The following APBB2 variants were observed in gnomAD, a reference collection of about 807,000 sequenced individuals.
The protein encoded by APBB2 is amyloid beta precursor protein binding family B member 2.
Under a neutral mutation model 82.5 loss-of-function variants are expected in APBB2, and 38 were observed. The observed-to-expected ratio is 0.46, with a 90% CI of 0.36 to 0.60. The LOEUF is 0.60. APBB2 is among the 20% of genes least tolerant of loss of function. APBB2 has a pLI of 0.00. For missense variants in APBB2, 772 were observed against 972.3 expected, an observed-to-expected ratio of 0.79 and a Z score of 2.74; for synonymous variants, 341 against 368.2, an observed-to-expected ratio of 0.93 and a Z score of 0.85.
intron 3 of APBB2, among the ~76,000 whole-genome samples, chr4:41,078,894 T>A (rs75647829): frequency 3.3e-5 from 5 of 152,304 alleles, no homozygotes; most frequent in Middle Eastern, 3.4e-3. Context: ...TCTCTCAACA[T>A]AGAAGCAAAA....
intron 12 of APBB2, among the ~76,000 whole-genome samples, chr4:40,834,460 GA>G: frequency 6.6e-6 from 1 of 152,312 alleles, no homozygotes; most frequent in Non-Finnish European, 1.5e-5. Flanking sequence ...GATTTAAGAC[GA>G]AATCCAAGCA....
At chr4:41,210,952 A>T (rs1182600047) in intron 1 of APBB2, among the ~76,000 whole-genome samples, 1 of 152,188 alleles carries the variant, frequency 6.6e-6, no homozygotes, top group Non-Finnish European at 1.5e-5. Context: ...GGATAATAGG[A>T]CACATAAAAA....
chr4:41,035,767 T>C (rs1409650612), intron 4 of APBB2, among the ~76,000 whole-genome samples: 1 of 152,236 alleles, frequency 6.6e-6, no homozygotes, highest in East Asian at 1.9e-4. Flanking sequence ...ACTGAATATG[T>C]ACAGACTTTT....
At chr4:40,990,509 A>T (rs1801720655) in intron 6 of APBB2, among the ~76,000 whole-genome samples, 1 of 152,210 alleles carries the variant, frequency 6.6e-6, no homozygotes, top group Non-Finnish European at 1.5e-5. Context: ...CACACACAAG[A>T]AAGGAGAAAG....
intron 12 of APBB2, among the ~76,000 whole-genome samples, chr4:40,864,504 C>T (rs1281392015): frequency 6.6e-6 from 1 of 152,134 alleles, no homozygotes; most frequent in Non-Finnish European, 1.5e-5. Context: ...AATTCTCCTG[C>T]CCAATGGCCT....
In APBB2 at chr4:40,837,459, C is replaced by T. The variant is rs556131537; in HGVS notation, c.1530-6882G>A. On this transcript the variant is annotated intron_variant, in intron 12 of 17. Coordinates refer to ENST00000508593, the MANE Select transcript of APBB2 (RefSeq NM_004307.2). ...CCACGCAGGGTCCAGGCTTCAGCAT[C>T]TCGTCTGTAAAACCACACAGCTGGC... Among the ~76,000 whole-genome samples, 3 of 152,380 alleles carry T rather than the reference C, an allele frequency of 2.0e-5. No homozygotes were observed. The East Asian group carries it at 5.8e-4, about 29-fold the overall frequency.
At chr4:40,931,269 T>C (rs4861070) in intron 10 of APBB2, among the ~76,000 whole-genome samples, 89,992 of 151,928 alleles carry the variant, frequency 0.59, 26,676 homozygotes, top group Middle Eastern at 0.67. Context: ...CGATAGGGGA[T>C]GGAAGCTCCT....
chr4:40,905,418 T>C (rs1188655246), intron 10 of APBB2, among the ~76,000 whole-genome samples: 1 of 152,210 alleles, frequency 6.6e-6, no homozygotes, highest in Non-Finnish European at 1.5e-5. Context: ...CTCACAATCC[T>C]TCTTCACACA....
rs185391628 is a variant in APBB2, at chr4:41,017,816, G to C, written c.20-3418C>G. The stretch of plus-strand genomic sequence containing the variant: ...AGACTAAGAAGGAACAAAGAAGTTG[G>C]GTCTATGAGGATTTAATTATGAAAA... On this transcript the variant is annotated intron_variant, in intron 5 of 17. Coordinates refer to ENST00000508593, the MANE Select transcript of APBB2 (RefSeq NM_004307.2). 3.0e-3 allele frequency among the ~76,000 whole-genome samples: 463 copies of C among 152,156 alleles called. 2 individuals carry two copies. The highest frequency in any genetic ancestry group is 3.9e-3 in the Non-Finnish European group (266 of 68,016).
rs1214409070 is a variant in APBB2 at position 40,813,895 on chromosome 4, T to C, written c.*2197A>G. 1 of 152,208 alleles carries C rather than the reference T, an allele frequency of 6.6e-6. No homozygotes were observed. Among genetic ancestry groups the C allele is most frequent in the Non-Finnish European group, 1.5e-5 (1 of 68,036 alleles). 9.4% of individuals were successfully genotyped at this position (152,208 alleles called of 1,614,324 possible). On this transcript the variant is annotated 3_prime_UTR_variant, in exon 18 of 18. Transcript: ENST00000508593. Reference sequence around the variant, plus strand: ...AAGGGCACAGCAAGGATTTTCTTAATGCAGTAATTTCTTATGATGGCACTG... The same window carrying C: ...AAGGGCACAGCAAGGATTTTCTTAACGCAGTAATTTCTTATGATGGCACTG...
chr4:40,982,416 A>AGGAAAGGAAAGGAAAG (rs58738178), intron 6 of APBB2, among the ~76,000 whole-genome samples: 2 of 110,400 alleles, frequency 1.8e-5, no homozygotes, highest in African/African-American at 7.2e-5. Flanking sequence ...AAAGAAAGAA[A>AGGAAAGGAAAGGAAAG]GAAAGAAAGA....
chr4:40,862,994 AT>A (rs1763147785), intron 12 of APBB2, among the ~76,000 whole-genome samples: 1 of 152,168 alleles, frequency 6.6e-6, no homozygotes, highest in African/African-American at 2.4e-5. Context: ...GGGGCTGTAC[AT>A]TGAGGATTCA....
At chr4:41,076,978 G>T (rs1735845008) in intron 3 of APBB2, among the ~76,000 whole-genome samples, 2 of 145,656 alleles carry the variant, frequency 1.4e-5, no homozygotes, top group Middle Eastern at 3.5e-3. Context: ...CCCTAAAGTA[G>T]AACAAAAAGA....
chr4:40,813,265 A>G lies in APBB2; in HGVS notation c.*2827T>C, dbSNP rs1409504371. ...TCCAGGAAAGATAATACATTAACAC[A>G]ATAATGCAGTATATTTCAGTAAAAA... On this transcript the variant is annotated 3_prime_UTR_variant, in exon 18 of 18. Coordinates refer to ENST00000508593, the MANE Select transcript of APBB2 (RefSeq NM_004307.2). 6.6e-6 allele frequency: 1 copy of G among 152,234 alleles called. No individual in the cohort carries two copies. The highest frequency in any genetic ancestry group is 1.5e-5 in the Non-Finnish European group (1 of 68,046). 9.4% of individuals were successfully genotyped at this position (152,234 alleles called of 1,614,324 possible).
In APBB2 at chr4:40,831,172, C is replaced by T. The variant is rs113346851; in HGVS notation, c.1530-595G>A. ...CCCAGCACTGGGAGGCCGAGGTGGG[C>T]GGATCACCTGAGGTCAGGAGTTGGA... On this transcript the variant is annotated intron_variant, in intron 12 of 17. Coordinates refer to ENST00000508593, the MANE Select transcript of APBB2 (RefSeq NM_004307.2). 2.6e-5 allele frequency among the ~76,000 whole-genome samples: 4 copies of T among 151,910 alleles called. 1 individual carries two copies. Among genetic ancestry groups the T allele is most frequent in the African/African-American group, 9.7e-5 (4 of 41,428 alleles).
intron 1 of APBB2, among the ~76,000 whole-genome samples, chr4:41,178,495 A>C (rs1770434209): frequency 6.6e-6 from 1 of 152,110 alleles, no homozygotes; most frequent in Non-Finnish European, 1.5e-5. Context: ...ACTAGAACAA[A>C]AGCCAGGAGA....
intron 12 of APBB2, among the ~76,000 whole-genome samples, chr4:40,875,316 T>C (rs547319494): frequency 1.8e-4 from 27 of 152,330 alleles, no homozygotes; most frequent in African/African-American, 6.5e-4. Flanking sequence ...AGGAGGACAG[T>C]GTGTCTTTCA....
In APBB2 at chr4:40,832,045, CACACACAT is replaced by C. The variant is rs937324963; in HGVS notation, c.1530-1476_1530-1469del. 1.4e-4 allele frequency among the ~76,000 whole-genome samples: 21 copies of C among 151,680 alleles called. No individual in the cohort carries two copies. The highest frequency in any genetic ancestry group is 2.2e-4 in the African/African-American group (9 of 41,266). ...ACACACACACACACACACACACACA[CACACACAT>C]ATACACCAAGCTTTACCCATCTAGG... On this transcript the variant is annotated intron_variant, in intron 12 of 17. Coordinates refer to ENST00000508593, the MANE Select transcript of APBB2 (RefSeq NM_004307.2). The surrounding 1 kb of genome is among the most constrained non-coding windows in gnomAD (Gnocchi z 4.8).
chr4:41,150,793 T>G (rs993139413), intron 1 of APBB2, among the ~76,000 whole-genome samples: 1 of 152,140 alleles, frequency 6.6e-6, no homozygotes, highest in African/African-American at 2.4e-5. Context: ...CAGGCTGGAG[T>G]GCAATGGCCC....
Sources: gnomAD v4.1 joint callset for allele counts (sites outside exome capture counted in the v4.1 genomes callset) on GRCh38, gnomAD v4.1.1 for gene constraint, Gnocchi (gnomAD v3.1) non-coding constraint, MANE v1.5 for transcripts, NCBI Gene and HGNC (gene_info 2026-07-23, HGNC 2026-07-21) for gene names.